VTI1A: variants seen among roughly 807,000 people sequenced by gnomAD.
VTI1A encodes the protein vesicle transport through interaction with t-SNAREs homolog 1A.
VTI1A carries 22 observed loss-of-function variants against 34.9 expected under a neutral mutation model. The ratio of observed to expected loss-of-function variants is 0.63; its 90% CI spans 0.45 to 0.90. VTI1A has a LOEUF of 0.90. Ranked by LOEUF, VTI1A falls within the 40% of genes least tolerant of loss-of-function variation. VTI1A has a pLI of 0.00. For missense variants in VTI1A, 268 were observed against 275.6 expected, an observed-to-expected ratio of 0.97 and a Z score of 0.20; for synonymous variants, 87 against 97.3, an observed-to-expected ratio of 0.89 and a Z score of 0.62.
At chr10:112,749,304 T>TC (rs1211674765) in intron 7 of VTI1A, among the ~76,000 whole-genome samples, 1 of 152,232 alleles carries the variant, frequency 6.6e-6, no homozygotes, top group African/African-American at 2.4e-5. Flanking sequence ...ACTGACACTC[T>TC]ATTTGCTTTG....
At chr10:112,561,814 A>G (rs1258720763) in intron 5 of VTI1A, among the ~76,000 whole-genome samples, 3 of 152,196 alleles carry the variant, frequency 2.0e-5, no homozygotes, top group Non-Finnish European at 4.4e-5. Context: ...CTAGAAATAT[A>G]TGGAAGAATA....
intron 3 of VTI1A, among the ~76,000 whole-genome samples, chr10:112,513,739 A>G (rs1336455957): frequency 6.7e-6 from 1 of 149,152 alleles, no homozygotes; most frequent in Non-Finnish European, 1.5e-5. Flanking sequence ...AGGTTTTTTT[A>G]TTATGAAAAG....
intron 3 of VTI1A, among the ~76,000 whole-genome samples, chr10:112,517,017 T>C (rs1849805435): frequency 6.6e-6 from 1 of 152,064 alleles, no homozygotes; most frequent in Non-Finnish European, 1.5e-5. Context: ...TCCTAGGTGA[T>C]AGTTTGAACA....
intron 5 of VTI1A, among the ~76,000 whole-genome samples, chr10:112,619,056 A>G (rs1242798302): frequency 1.5e-5 from 2 of 132,196 alleles, no homozygotes; most frequent in Non-Finnish European, 3.2e-5. Context: ...GCACATTAGT[A>G]AACACAGTTT....
intron 7 of VTI1A, among the ~76,000 whole-genome samples, chr10:112,782,526 G>A (rs1197240923): frequency 6.6e-6 from 1 of 152,216 alleles, no homozygotes. Flanking sequence ...GTGAAGTCTG[G>A]CTAAAGAGCA....
intron 5 of VTI1A, among the ~76,000 whole-genome samples, chr10:112,641,066 A>C (rs1051829196): frequency 6.7e-6 from 1 of 150,272 alleles, no homozygotes; most frequent in East Asian, 2.0e-4. Flanking sequence ...AAAAAGCAAA[A>C]GTTTTTTTTT....
intron 7 of VTI1A, among the ~76,000 whole-genome samples, chr10:112,703,075 C>T (rs1190069758): frequency 6.6e-6 from 1 of 152,026 alleles, no homozygotes; most frequent in Non-Finnish European, 1.5e-5. Context: ...GCCTTGGTTA[C>T]AGTAATAAGC....
chr10:112,728,671 A>G (rs927710022), intron 7 of VTI1A, among the ~76,000 whole-genome samples: 7 of 152,234 alleles, frequency 4.6e-5, no homozygotes, highest in African/African-American at 1.7e-4. Context: ...GAAAAAAAAT[A>G]GAATCATACT....
chr10:112,728,956 G>C (rs1850146365), intron 7 of VTI1A, among the ~76,000 whole-genome samples: 1 of 152,134 alleles, frequency 6.6e-6, no homozygotes, highest in East Asian at 1.9e-4. Context: ...CCCTCCGTAA[G>C]TGGCCGAGCT....
intron 3 of VTI1A, among the ~76,000 whole-genome samples, chr10:112,519,755 T>C (rs73365033): frequency 1.4e-3 from 211 of 152,156 alleles, no homozygotes; most frequent in African/African-American, 4.9e-3. Context: ...TTAGAACCCC[T>C]TGTTTTTAAA....
chr10:112,665,987 A>G (rs978478192), intron 5 of VTI1A, among the ~76,000 whole-genome samples: 5 of 152,194 alleles, frequency 3.3e-5, no homozygotes, highest in Non-Finnish European at 5.9e-5. Context: ...CATGGTGCTC[A>G]TATATATTAA....
At chr10:112,617,756 C>T (rs936647237) in intron 5 of VTI1A, among the ~76,000 whole-genome samples, 3 of 151,940 alleles carry the variant, frequency 2.0e-5, no homozygotes, top group East Asian at 1.9e-4. Context: ...AAAAACTTTA[C>T]AAAAATCACT....
At chr10:112,718,301 C>T (rs968541208) in intron 7 of VTI1A, among the ~76,000 whole-genome samples, 2 of 152,132 alleles carry the variant, frequency 1.3e-5, no homozygotes, top group African/African-American at 4.8e-5. Context: ...TGGTCAATGG[C>T]ATTTAGTGGA....
At chr10:112,835,098 A>G in the VTI1A span, among the ~76,000 whole-genome samples, 3 of 152,112 alleles carry the variant, frequency 2.0e-5, no homozygotes, top group Non-Finnish European at 4.4e-5. Flanking sequence ...GCGCTTCTCG[A>G]CTGACATAAA....
At chr10:112,685,629 G>A (rs1377266694) in intron 7 of VTI1A, among the ~76,000 whole-genome samples, 6 of 151,550 alleles carry the variant, frequency 4.0e-5, no homozygotes, top group Middle Eastern at 3.4e-3. Context: ...TTTCAGAATC[G>A]CATTCTTTCT....
intron 7 of VTI1A, among the ~76,000 whole-genome samples, chr10:112,681,050 CTG>C (rs1359681897): frequency 6.6e-6 from 1 of 151,022 alleles, no homozygotes; most frequent in African/African-American, 2.4e-5. Flanking sequence ...TTACCTTAAA[CTG>C]TTGAATTTTT....
intron 7 of VTI1A, among the ~76,000 whole-genome samples, chr10:112,760,250 T>G (rs975638886): frequency 1.3e-5 from 2 of 152,210 alleles, no homozygotes; most frequent in Non-Finnish European, 2.9e-5. Flanking sequence ...TGTTTTTCCC[T>G]GTACATGTAT....
chr10:112,713,899 G>A (rs960598644), intron 7 of VTI1A, among the ~76,000 whole-genome samples: 1 of 152,058 alleles, frequency 6.6e-6, no homozygotes, highest in African/African-American at 2.4e-5. Context: ...TAATTTTTTT[G>A]TGGCACATGG....
At chr10:112,819,540 T>C (rs778480487), downstream of VTI1A, among the ~76,000 whole-genome samples, 5 of 152,140 alleles carry the variant, frequency 3.3e-5, no homozygotes, top group East Asian at 7.7e-4. Flanking sequence ...GAGGGTCTGA[T>C]TGGGGGTATG....
Sources: allele counts gnomAD v4.1 joint callset (sites outside exome capture counted in the v4.1 genomes callset), GRCh38; gene constraint gnomAD v4.1.1; transcripts MANE v1.5; gene names NCBI Gene and HGNC (gene_info 2026-07-23, HGNC 2026-07-21).